IPMK: variants seen among roughly 807,000 people sequenced by gnomAD.
IPMK encodes the protein inositol polyphosphate multikinase.
A neutral mutation model predicts 45.8 loss-of-function variants in IPMK; 17 were observed. The ratio of observed to expected loss-of-function variants is 0.37; its 90% confidence interval spans 0.25 to 0.56. The LOEUF (loss-of-function observed/expected upper bound fraction) is 0.56. Ranked by LOEUF, IPMK falls within the 20% of genes least tolerant of loss-of-function variation. IPMK has a pLI of 0.79. For missense variants in IPMK, 399 were observed against 498.0 expected (o/e 0.80, Z 1.89); for synonymous variants, 180 against 184.3 (o/e 0.98, Z 0.19).
intron 1 of IPMK, among the ~76,000 whole-genome samples, chr10:58,251,449 G>A (rs1164128417): frequency 6.6e-6 from 1 of 150,736 alleles, no homozygotes; most frequent in African/African-American, 2.5e-5. Context: ...AAAAAAATGT[G>A]TATTCTGCAA....
At chr10:58,258,101 G>C (rs953214179) in intron 1 of IPMK, among the ~76,000 whole-genome samples, 1 of 152,046 alleles carries the variant, frequency 6.6e-6, no homozygotes, top group African/African-American at 2.4e-5. Context: ...ATGAGGTCAG[G>C]AGTTCAAGAC....
At chr10:58,259,760 A>C (rs1839033850) in intron 1 of IPMK, among the ~76,000 whole-genome samples, 1 of 151,152 alleles carries the variant, frequency 6.6e-6, no homozygotes. Context: ...GGATCACTTG[A>C]GCCTGGGAGG....
chr10:58,243,462 C>T (rs146434975), intron 1 of IPMK, among the ~76,000 whole-genome samples: 338 of 152,320 alleles, frequency 2.2e-3, no homozygotes, highest in Non-Finnish European at 3.9e-3. Context: ...CTCGCTGCCT[C>T]GGGCTCGGGT....
Position 58,237,661 on chromosome 10 carries a change from T to G in IPMK, c.276+68A>C, listed in dbSNP as rs1027714339. ...CTATGCTGTCAAATATGTGTCTTACTGTGAGTCACCACCAGAAAACTCTGA... is the reference window on the plus strand; with the variant it reads ...CTATGCTGTCAAATATGTGTCTTACGGTGAGTCACCACCAGAAAACTCTGA... On this transcript the variant is annotated intron_variant, in intron 2 of 5. Coordinates refer to ENST00000373935, the MANE Select transcript of IPMK (RefSeq NM_152230.5). 3 of 1,143,284 alleles carry G rather than the reference T, an allele frequency of 2.6e-6. No homozygotes were observed. In the African/African-American group the frequency reaches 4.6e-5, roughly 17 times the overall value. The allele number at this position is 1,143,284 out of a possible 1,614,324, so 70.8% of individuals were successfully genotyped here.
chr10:58,258,135 C>A (rs965671515), intron 1 of IPMK, among the ~76,000 whole-genome samples: 1 of 151,912 alleles, frequency 6.6e-6, no homozygotes, highest in Non-Finnish European at 1.5e-5. Context: ...ATGGTGAAAC[C>A]CCCATCTCTA....
At chr10:58,254,372 ATC>A (rs1187866102) in intron 1 of IPMK, among the ~76,000 whole-genome samples, 1 of 151,950 alleles carries the variant, frequency 6.6e-6, no homozygotes, top group Non-Finnish European at 1.5e-5. Flanking sequence ...CATTTATAGG[ATC>A]TCTCTCTTTT....
chr10:58,267,302 G>A, intron 1 of IPMK, 120 bp downstream of exon 1: 2 of 925,896 alleles, frequency 2.2e-6, no homozygotes, highest in East Asian at 2.6e-5. Context: ...AGAGGCCAGG[G>A]ATTTGGCGTG....
chr10:58,205,326 C>G (rs767200957), intron 4 of IPMK, among the ~76,000 whole-genome samples: 1 of 151,976 alleles, frequency 6.6e-6, no homozygotes, highest in Non-Finnish European at 1.5e-5. Context: ...GATTTATATA[C>G]AGCTCAATAA....
At chr10:58,246,323 CAA>C (rs1216952629) in intron 1 of IPMK, among the ~76,000 whole-genome samples, 3 of 149,566 alleles carry the variant, frequency 2.0e-5, no homozygotes, top group African/African-American at 2.5e-5. Flanking sequence ...CATATGGAAC[CAA>C]AAAAGAGTCC....
Position 58,227,153 on chromosome 10 carries a change from A to G in IPMK, c.277-14T>C, listed in dbSNP as rs373202158. The G allele has an allele frequency of 1.3e-6, 2 of 1,559,370 alleles. No homozygotes were observed. ...AGCAGCATAAACCTGAAACAGAGAA[A>G]TATAACATTGCTAGATTCTTACAAT... On this transcript the variant is annotated splice_polypyrimidine_tract_variant and intron_variant, in intron 2 of 5. Transcript: ENST00000373935.
At chr10:58,221,892 G>A (rs1337315973) in intron 3 of IPMK, among the ~76,000 whole-genome samples, 2 of 152,120 alleles carry the variant, frequency 1.3e-5, no homozygotes, top group African/African-American at 4.8e-5. Context: ...GGGACTACAG[G>A]TGCCTACCAC....
At chr10:58,261,026 T>G (rs1016661084) in intron 1 of IPMK, among the ~76,000 whole-genome samples, 16 of 148,894 alleles carry the variant, frequency 1.1e-4, no homozygotes, top group Admixed American at 9.5e-4. Flanking sequence ...ATCAAGATCG[T>G]GAAGTAGGAT....
chr10:58,209,660 G>A (rs1367310902), intron 4 of IPMK, among the ~76,000 whole-genome samples: 1 of 152,228 alleles, frequency 6.6e-6, no homozygotes, highest in Non-Finnish European at 1.5e-5. Flanking sequence ...GCAGGGGAGT[G>A]AGGTAGACTC....
At chr10:58,225,836 A>G (rs1471681358) in intron 3 of IPMK, among the ~76,000 whole-genome samples, 1 of 151,770 alleles carries the variant, frequency 6.6e-6, no homozygotes, top group Non-Finnish European at 1.5e-5. Context: ...GCAAAGAGGG[A>G]AAAAAAAGGA....
chr10:58,223,603 T>C (rs1279394381), intron 3 of IPMK, among the ~76,000 whole-genome samples: 3 of 152,036 alleles, frequency 2.0e-5, no homozygotes, highest in African/African-American at 7.3e-5. Flanking sequence ...CTAAACCTCA[T>C]AAAAAAGGAG....
At chr10:58,237,886 T>C in intron 1 of IPMK, 72 bp from the exon 2 acceptor site, 1 of 1,086,520 alleles carries the variant, frequency 9.2e-7, no homozygotes, top group Non-Finnish European at 1.4e-6. Flanking sequence ...ATAGATTAGT[T>C]CCTGAAGTGA....
chr10:58,231,444 C>T (rs911937876), intron 2 of IPMK, among the ~76,000 whole-genome samples: 14 of 152,170 alleles, frequency 9.2e-5, no homozygotes, highest in African/African-American at 3.4e-4. Context: ...TTGAGTTACC[C>T]ACAAAGGGAA....
chr10:58,209,242 T>C (rs538586872), intron 4 of IPMK, among the ~76,000 whole-genome samples: 1 of 152,254 alleles, frequency 6.6e-6, no homozygotes, highest in African/African-American at 2.4e-5. Context: ...ATGTCTACAG[T>C]GGAGTCCTGG....
intron 3 of IPMK, among the ~76,000 whole-genome samples, 200 bp from the exon 4 acceptor site, chr10:58,216,517 C>T (rs967860544): frequency 2.0e-5 from 3 of 151,062 alleles, no homozygotes; most frequent in Admixed American, 6.6e-5. Flanking sequence ...CACAGAGAAG[C>T]TCTTGCAGGA....
Sources: gnomAD v4.1 joint callset for allele counts (sites outside exome capture counted in the v4.1 genomes callset) on GRCh38, gnomAD v4.1.1 for gene constraint, MANE v1.5 for transcripts, NCBI Gene and HGNC (gene_info 2026-07-23, HGNC 2026-07-21) for gene names.